The following CEACAM1 variants were observed in gnomAD, a reference collection of about 807,000 sequenced individuals.
The protein encoded by CEACAM1 is CEA cell adhesion molecule 1, also known as cell adhesion molecule CEACAM1.
CEACAM1 carries 31 observed loss-of-function variants against 49.1 expected under a neutral mutation model. The observed-to-expected ratio is 0.63, with a 90% CI of 0.47 to 0.85. CEACAM1 has a LOEUF of 0.85. CEACAM1 is among the 40% of genes least tolerant of loss of function. The pLI is 0.00. For synonymous variants in CEACAM1, 244 were observed against 247.8 expected, an observed-to-expected ratio of 0.98 and a Z score of 0.14; for missense variants, 570 against 645.3, an observed-to-expected ratio of 0.88 and a Z score of 1.26.
intron 5 of CEACAM1, among the ~76,000 whole-genome samples, chr19:42,513,088 T>G (rs960646570): frequency 6.6e-6 from 1 of 152,234 alleles, no homozygotes; most frequent in Non-Finnish European, 1.5e-5. Flanking sequence ...TGTATGTGAT[T>G]AGAACTTTCC....
chr19:42,524,056 A>G (rs2041827714), intron 2 of CEACAM1, among the ~76,000 whole-genome samples: 1 of 152,226 alleles, frequency 6.6e-6, no homozygotes, highest in Non-Finnish European at 1.5e-5. Flanking sequence ...TTCAGGTAAA[A>G]AGAGGAACCC....
At chr19:42,517,705 A>G (rs972637225) in intron 5 of CEACAM1, among the ~76,000 whole-genome samples, 17 of 152,232 alleles carry the variant, frequency 1.1e-4, no homozygotes, top group Non-Finnish European at 2.9e-5. Context: ...AGATGTAGAG[A>G]AATTGGAACT....
intron 2 of CEACAM1, among the ~76,000 whole-genome samples, chr19:42,522,635 C>T (rs551955956): frequency 4.2e-4 from 63 of 151,790 alleles, no homozygotes; most frequent in African/African-American, 1.5e-3. Context: ...GATCTTGGCT[C>T]ACTGCAACCT....
In CEACAM1 at chr19:42,521,389, T is replaced by G. The variant is rs764400411; in HGVS notation, c.836A>C (p.Gln279Pro). 6.2e-7 allele frequency: 1 copy of G among 1,614,250 alleles called. No individual in the cohort carries two copies. The highest frequency in any genetic ancestry group is 1.1e-5 in the South Asian group (1 of 91,090). ...YSWLINGTFQ[Q>P]STQELFIPNI... ...AGGGATAAAGAGCTCTTGTGTGCTT[T>G]GCTGGAATGTTCCATTGATAAGCCA... Residue 279 changes from glutamine (Q) to proline (P), a missense_variant, in exon 4 of 9, where the codon CAA becomes CCA. Physicochemically the swap from Gln to Pro is moderately conservative, Grantham distance 76. Coordinates refer to ENST00000161559, the MANE Select transcript of CEACAM1 (RefSeq NM_001712.5).
intron 2 of CEACAM1, among the ~76,000 whole-genome samples, chr19:42,523,337 G>C (rs1332561246): frequency 6.6e-6 from 1 of 152,238 alleles, no homozygotes; most frequent in Non-Finnish European, 1.5e-5. Flanking sequence ...CCTGAAGGTA[G>C]CTCAGTCGTC....
Position 42,519,003 on chromosome 19 carries a change from C to G in CEACAM1, c.1191G>C (p.Glu397Asp). The change falls in exon 5 of 9, where the codon GAG (glutamate) becomes GAC (aspartate). Residue 397 changes from glutamate (E) to aspartate (D), a missense_variant. Coordinates refer to ENST00000161559, the MANE Select transcript of CEACAM1 (RefSeq NM_001712.5). ...GGTTCTTACTGATTGGGTTGAAGAC[C>G]TCACACCAATACGTCCCAGCATCCT... is the stretch of plus-strand genomic sequence containing the variant. ...KREDAGTYWC[E>D]VFNPISKNQS... is the part of the protein sequence containing the mutation. The G allele has an allele frequency of 1.2e-6, 2 of 1,614,130 alleles. No individual in the cohort carries two copies. The highest frequency in any genetic ancestry group is 1.7e-6 in the Non-Finnish European group (2 of 1,180,012).
At chr19:42,520,253 A>G (rs1456115229) in intron 4 of CEACAM1, among the ~76,000 whole-genome samples, 1 of 152,218 alleles carries the variant, frequency 6.6e-6, no homozygotes, top group Non-Finnish European at 1.5e-5. Context: ...GCTCTGTGCT[A>G]TCCCATGTGC....
chr19:42,525,223 C>CT (rs2041860438), intron 2 of CEACAM1, among the ~76,000 whole-genome samples: 1 of 136,254 alleles, frequency 7.3e-6, no homozygotes, highest in African/African-American at 3.1e-5. Flanking sequence ...TAGGCCTGAA[C>CT]ATTTTTTTTT....
chr19:42,511,682 C>G, intron 6 of CEACAM1, 54 bp from the exon 7 acceptor site: 1 of 1,567,594 alleles, frequency 6.4e-7, no homozygotes. Context: ...GATCTTTGTT[C>G]CGTAAGTTAG....
At position 42,522,136 on chromosome 19, in the gene CEACAM1, G is replaced by A. The variant is rs768241278; in HGVS notation, c.491C>T (p.Ala164Val). Reference sequence around the variant, plus strand: ...CTGAGTCTCAGGTTCACAGGTGAAGGCCACAGCATCCTTGTCCTCCACAGG... The same window carrying A: ...CTGAGTCTCAGGTTCACAGGTGAAGACCACAGCATCCTTGTCCTCCACAGG... ...SNPVEDKDAVAFTCEPETQDT... is the reference protein window; with the variant it reads ...SNPVEDKDAVVFTCEPETQDT... Residue 164 changes from alanine (A) to valine (V), a missense_variant, in exon 3 of 9, where the codon GCC becomes GTC. Physicochemically the swap from Ala to Val is moderately conservative, Grantham distance 64 (BLOSUM62 0). Coordinates refer to ENST00000161559, the MANE Select transcript of CEACAM1 (RefSeq NM_001712.5). 5.0e-6 allele frequency: 8 copies of A among 1,614,216 alleles called. No homozygotes were observed. The South Asian group carries it at 7.7e-5, about 16-fold the overall frequency.
In CEACAM1 at chr19:42,519,070, G is replaced by T. The variant is rs201438804; in HGVS notation, c.1124C>A (p.Ser375Tyr). 1.4e-5 allele frequency: 23 copies of T among 1,614,038 alleles called. No homozygotes were observed. The highest frequency in any genetic ancestry group is 8.3e-5 in the Admixed American group (5 of 60,014). ...TATGCTGAGGGTGGTGTTGCCCTGG[G>T]ACAGCTTCATCCTCTCCGAGGACGG... ...SLPSSERMKL[S>Y]QGNTTLSINP... Residue 375 changes from serine to tyrosine, a missense_variant, in exon 5 of 9, where the codon TCC (serine) becomes TAC (tyrosine). Transcript: ENST00000161559.
At position 42,519,287 on chromosome 19, in the gene CEACAM1, C is replaced by T. The variant is rs761496803; in HGVS notation, c.959-52G>A. The T allele has an allele frequency of 1.9e-6, 3 of 1,581,418 alleles. No individual in the cohort carries two copies. In the South Asian group the frequency reaches 3.4e-5, roughly 18 times the overall value. ...AACCTACTGAGAATAGGGTTGGGGC[C>T]TGGGGCCTAGGGCTATGCTCCTTTC... On this transcript the variant is annotated intron_variant, in intron 4 of 8. Transcript: ENST00000161559.
intron 5 of CEACAM1, among the ~76,000 whole-genome samples, chr19:42,513,203 C>G (rs555640101): frequency 9.8e-5 from 15 of 152,318 alleles, no homozygotes; most frequent in African/African-American, 3.4e-4. Context: ...CCCACAGGCT[C>G]CCAGCAGGGG....
At position 42,525,384 on chromosome 19, in the gene CEACAM1, C is replaced by T. The variant is rs190840504; in HGVS notation, c.424+1657G>A. Among the ~76,000 whole-genome samples, 249 of 151,426 alleles carry T rather than the reference C, an allele frequency of 1.6e-3. 2 individuals carry two copies. The highest frequency in any genetic ancestry group is 3.3e-3 in the Admixed American group (51 of 15,246). ...GGATTAGAGGCACGCACCACCATGC[C>T]CGACTAATTTTTTTTGTATTTTTAG... On this transcript the variant is annotated intron_variant, in intron 2 of 8. Transcript: ENST00000161559.
chr19:42,522,905 G>A (rs900420409), intron 2 of CEACAM1, among the ~76,000 whole-genome samples: 3 of 152,212 alleles, frequency 2.0e-5, no homozygotes, highest in Admixed American at 6.5e-5. Context: ...CCCATGGCAA[G>A]TGTGTGTTTC....
At chr19:42,511,675 CT>C in intron 6 of CEACAM1, 47 bp from the exon 7 acceptor site, 1 of 1,581,292 alleles carries the variant, frequency 6.3e-7, no homozygotes, top group Non-Finnish European at 8.7e-7. Context: ...AGCACAGGAT[CT>C]TTGTTCCGTA....
intron 8 of CEACAM1, among the ~76,000 whole-genome samples, chr19:42,509,584 G>C (rs891304673): frequency 6.6e-6 from 1 of 151,786 alleles, no homozygotes; most frequent in African/African-American, 2.4e-5. Context: ...TGGAGCATTA[G>C]AAGTCAGGAT....
chr19:42,510,879 C>T lies in CEACAM1; in HGVS notation c.1461+10G>A. 6.2e-7 allele frequency: 1 copy of T among 1,611,784 alleles called. No homozygotes were observed. The highest frequency in any genetic ancestry group is 8.5e-7 in the Non-Finnish European group (1 of 1,177,868). On this transcript the variant is annotated intron_variant, in intron 8 of 8. Transcript: ENST00000161559. ...GAGAAAATAAGCCCATGAAAACCGGCTATGCTTACCTTGTTAGGTGGGTCA... is the reference window on the plus strand; with the variant it reads ...GAGAAAATAAGCCCATGAAAACCGGTTATGCTTACCTTGTTAGGTGGGTCA...
intron 5 of CEACAM1, among the ~76,000 whole-genome samples, chr19:42,517,181 A>ACCT (rs1328048098): frequency 6.6e-6 from 1 of 152,236 alleles, no homozygotes; most frequent in African/African-American, 2.4e-5. Flanking sequence ...AAATTAATTC[A>ACCT]AAATGCATAA....
Sources: allele counts gnomAD v4.1 joint callset (sites outside exome capture counted in the v4.1 genomes callset), GRCh38; gene constraint gnomAD v4.1.1; transcripts MANE v1.5; gene names NCBI Gene and HGNC (gene_info 2026-07-23, HGNC 2026-07-21).